Variants in RALGAPA1 observed in about 807,000 individuals in gnomAD.
The protein encoded by RALGAPA1 is ral GTPase-activating protein subunit alpha-1.
In RALGAPA1, 52 loss-of-function variants were observed where a neutral mutation model predicts 269.6. The ratio of observed to expected loss-of-function variants is 0.19; its 90% CI spans 0.15 to 0.24. The LOEUF is 0.24. RALGAPA1 is among the 10% of genes least tolerant of loss of function. The pLI, the probability that RALGAPA1 is intolerant of heterozygous loss-of-function variation, is 1.00. For missense variants in RALGAPA1, 1,917 were observed against 3,013.9 expected (o/e 0.64, Z 8.52); for synonymous variants, 817 against 1,008.3 (o/e 0.81, Z 3.60).
intron 1 of RALGAPA1, among the ~76,000 whole-genome samples, chr14:35,801,158 G>A (rs192298932): frequency 6.6e-6 from 1 of 150,534 alleles, no homozygotes; most frequent in African/African-American, 2.4e-5. Flanking sequence ...ACTCTAGTCA[G>A]GCTGATCAGG....
chr14:35,621,091 C>T (rs1176864668), intron 35 of RALGAPA1, among the ~76,000 whole-genome samples: 1 of 152,182 alleles, frequency 6.6e-6, no homozygotes, highest in East Asian at 1.9e-4. Context: ...CTGGAGGCAT[C>T]ATGCTACCTG....
At chr14:35,788,760 G>T (rs548493865) in intron 1 of RALGAPA1, among the ~76,000 whole-genome samples, 18 of 152,200 alleles carry the variant, frequency 1.2e-4, no homozygotes, top group South Asian at 4.1e-4. Context: ...TTATATTTTT[G>T]TTTGTTTTTC....
rs2071248738 is a variant in RALGAPA1, at chr14:35,738,533, C to T, written c.1567G>A (p.Gly523Ser). Residue 523 changes from glycine to serine, a missense_variant, in exon 12 of 42, where the codon GGT (glycine) becomes AGT (serine). Physicochemically the swap from Gly to Ser is moderately conservative, Grantham distance 56. Around this residue, in one of 11 missense-constraint regions of RALGAPA1, gnomAD observed 462 missense variants for 725.6 expected, o/e 0.64. Coordinates refer to ENST00000680220, the MANE Select transcript of RALGAPA1 (RefSeq NM_001346249.2). ...EEATEQNIRA[G>S]TQAVLQVFII... is the part of the protein sequence containing the mutation. Reference sequence around the variant, plus strand: ...TCCACCTGCAAAACTGCCTGGGTACCAGCTCGTATGTTTTGTTCTGTGGCT... The same window carrying T: ...TCCACCTGCAAAACTGCCTGGGTACTAGCTCGTATGTTTTGTTCTGTGGCT... 6.2e-7 allele frequency: 1 copy of T among 1,604,440 alleles called. No homozygotes were observed.
chr14:35,559,630 T>C (rs554550215), intron 39 of RALGAPA1, among the ~76,000 whole-genome samples: 3 of 152,326 alleles, frequency 2.0e-5, no homozygotes, highest in African/African-American at 7.2e-5. Flanking sequence ...TCTCGTGCAC[T>C]GTGATATGAC....
At chr14:35,735,327 C>T (rs894776382) in intron 12 of RALGAPA1, among the ~76,000 whole-genome samples, 1 of 152,026 alleles carries the variant, frequency 6.6e-6, no homozygotes, top group Admixed American at 6.6e-5. Flanking sequence ...CATCAATCAA[C>T]GAGTGGATAA....
At chr14:35,759,763 T>C (rs141091636) in intron 6 of RALGAPA1, among the ~76,000 whole-genome samples, 2,250 of 151,674 alleles carry the variant, frequency 0.015, 19 homozygotes, top group Middle Eastern at 0.058. Context: ...TACAAAAAAA[T>C]TAGCTGGGCA....
At chr14:35,611,242 TC>T (rs1461044794) in intron 35 of RALGAPA1, among the ~76,000 whole-genome samples, 1 of 151,976 alleles carries the variant, frequency 6.6e-6, no homozygotes, top group Non-Finnish European at 1.5e-5. Flanking sequence ...ATGCCTATAA[TC>T]CCAGCACTTA....
chr14:35,666,663 A>C (rs2063967200), intron 26 of RALGAPA1, among the ~76,000 whole-genome samples: 1 of 152,246 alleles, frequency 6.6e-6, no homozygotes, highest in Non-Finnish European at 1.5e-5. Context: ...TGAACCAGAA[A>C]ATGCAAAAAA....
At chr14:35,800,196 C>G (rs2076869227) in intron 1 of RALGAPA1, among the ~76,000 whole-genome samples, 1 of 152,190 alleles carries the variant, frequency 6.6e-6, no homozygotes, top group Non-Finnish European at 1.5e-5. Context: ...GACAGAAATT[C>G]AGTAAGGACA....
intron 4 of RALGAPA1, among the ~76,000 whole-genome samples, chr14:35,770,162 C>T (rs2074507480): frequency 1.3e-5 from 2 of 151,962 alleles, no homozygotes; most frequent in Admixed American, 1.3e-4. Context: ...ACAAAAGCAC[C>T]AATGACACTG....
intron 41 of RALGAPA1, chr14:35,542,146 C>T (rs1184340863): frequency 2.1e-6 from 1 of 475,184 alleles, no homozygotes; most frequent in East Asian, 7.2e-5. Context: ...ATCCTAATCA[C>T]TCAGACATAA....
chr14:35,695,501 G>C (rs1029899509), intron 17 of RALGAPA1, among the ~76,000 whole-genome samples: 1 of 151,930 alleles, frequency 6.6e-6, no homozygotes, highest in African/African-American at 2.4e-5. Flanking sequence ...ATAACATATC[G>C]TTAATAAAAA....
chr14:35,800,012 A>G (rs1423040808), intron 1 of RALGAPA1, among the ~76,000 whole-genome samples: 2 of 152,254 alleles, frequency 1.3e-5, no homozygotes, highest in African/African-American at 4.8e-5. Flanking sequence ...TTTCAAAATG[A>G]TAAAGAAGTC....
intron 36 of RALGAPA1, among the ~76,000 whole-genome samples, chr14:35,597,687 A>G (rs2059013116): frequency 6.6e-6 from 1 of 152,102 alleles, no homozygotes; most frequent in South Asian, 2.1e-4. Context: ...TGTGAGCCAT[A>G]CCCACTTCAC....
chr14:35,568,478 G>A (rs1177964439), intron 39 of RALGAPA1, among the ~76,000 whole-genome samples: 1 of 152,122 alleles, frequency 6.6e-6, no homozygotes, highest in Non-Finnish European at 1.5e-5. Flanking sequence ...TTGTCAGTAA[G>A]CATCTTGTTT....
chr14:35,572,001 T>C (rs1212620811), intron 38 of RALGAPA1, among the ~76,000 whole-genome samples: 1 of 152,296 alleles, frequency 6.6e-6, no homozygotes, highest in East Asian at 1.9e-4. Context: ...ACACCAAAAA[T>C]ACTACCAAAC....
At chr14:35,790,111 G>C (rs1253109560) in intron 1 of RALGAPA1, among the ~76,000 whole-genome samples, 1 of 151,760 alleles carries the variant, frequency 6.6e-6, no homozygotes, top group African/African-American at 2.4e-5. Context: ...AAATTAGCCA[G>C]GCATGGTGGC....
Position 35,723,238 on chromosome 14 carries a change from T to C in RALGAPA1, c.1893A>G (p.Ala631=). 1 of 1,609,710 alleles carries C rather than the reference T, an allele frequency of 6.2e-7. No homozygotes were observed. The highest frequency in any genetic ancestry group is 8.5e-7 in the Non-Finnish European group (1 of 1,176,390). ...FQTLIVAWIK[A]NLNVYISREL... ...CTCGGGAGATGTACACATTTAGGTT[T>C]GCTTTGATCCAGGCAACTATAAGGG... Residue 631 remains alanine, a synonymous_variant, in exon 15 of 42, where the codon GCA becomes GCG. Transcript: ENST00000680220.
At chr14:35,720,152 T>C (rs866773881) in intron 16 of RALGAPA1, among the ~76,000 whole-genome samples, 23 of 152,348 alleles carry the variant, frequency 1.5e-4, no homozygotes, top group Middle Eastern at 3.4e-3. Context: ...TTCCAAAAAG[T>C]AATTTTATAG....
Sources: gnomAD v4.1 joint callset for allele counts (sites outside exome capture counted in the v4.1 genomes callset) on GRCh38, gnomAD v4.1.1 for gene constraint, gnomAD v4.1.1 regional missense constraint, MANE v1.5 for transcripts, NCBI Gene and HGNC (gene_info 2026-07-23, HGNC 2026-07-21) for gene names.